Variants in DELE1 observed in about 807,000 individuals in gnomAD.
DELE1 encodes DAP3 binding cell death enhancer 1.
Under a neutral mutation model 59.3 loss-of-function variants are expected in DELE1, and 54 were observed. That is an observed-to-expected ratio of 0.91 (90% CI 0.73 to 1.14). The LOEUF is 1.14. DELE1 is among the 50% of genes most tolerant of loss of function. DELE1 has a pLI of 0.00. For synonymous variants in DELE1, 264 were observed against 259.1 expected (o/e 1.02, Z -0.18); for missense variants, 636 against 643.9 (o/e 0.99, Z 0.13).
Position 141,929,698 on chromosome 5 carries a change from A to T in DELE1, c.529A>T (p.Asn177Tyr). ...ASAQPRNFSH[N>Y]SLRGARPQDP... ...AGCTCAGCCCCGGAACTTCTCACAC[A>T]ACTCTTTGAGAGGAGCTCGTCCTCA... Residue 177 changes from asparagine (N) to tyrosine (Y), a missense_variant, in exon 5 of 12, where the codon AAC (asparagine) becomes TAC (tyrosine). By Grantham distance (143) the Asn-to-Tyr change is moderately radical. Transcript: ENST00000432126. The T allele has an allele frequency of 6.2e-7, 1 of 1,614,120 alleles. No individual in the cohort carries two copies. The highest frequency in any genetic ancestry group is 1.1e-5 in the South Asian group (1 of 91,086).
Position 141,924,622 on chromosome 5 carries a change from C to T in DELE1, c.73C>T (p.Pro25Ser). The change falls in exon 2 of 12, where the codon CCT (proline) becomes TCT (serine). Residue 25 changes from proline (P) to serine (S), a missense_variant. By Grantham distance (74) the Pro-to-Ser change is moderately conservative. Coordinates refer to ENST00000432126, the MANE Select transcript of DELE1 (RefSeq NM_014773.5). ...GGGACCTAGCCTCTGGAGGGTGACTCCTAAGTCCACCAGCCCAGATGGGCC... is the reference window on the plus strand; with the variant it reads ...GGGACCTAGCCTCTGGAGGGTGACTTCTAAGTCCACCAGCCCAGATGGGCC... ...TLGPSLWRVT[P>S]KSTSPDGPQT... is the part of the protein sequence containing the mutation. 1 of 1,614,110 alleles carries T rather than the reference C, an allele frequency of 6.2e-7. No individual in the cohort carries two copies. Among genetic ancestry groups the T allele is most frequent in the Non-Finnish European group, 8.5e-7 (1 of 1,179,950 alleles).
chr5:141,936,423 G>A (rs1042221780), intron 10 of DELE1, among the ~76,000 whole-genome samples: 1 of 152,052 alleles, frequency 6.6e-6, no homozygotes, highest in East Asian at 1.9e-4. Flanking sequence ...AGAGCATAGC[G>A]TTTTTTGTTT....
intron 10 of DELE1, among the ~76,000 whole-genome samples, chr5:141,935,572 C>T (rs1345877593): frequency 1.3e-5 from 2 of 152,202 alleles, no homozygotes; most frequent in African/African-American, 4.8e-5. Flanking sequence ...GAATGCTTTT[C>T]CTTGTCTACT....
intron 7 of DELE1, among the ~76,000 whole-genome samples, chr5:141,931,049 A>G (rs1751869346): frequency 6.6e-6 from 1 of 152,234 alleles, no homozygotes; most frequent in Non-Finnish European, 1.5e-5. Context: ...AGAGAATTTC[A>G]GATGTTGATA....
rs1024576333 is a variant in DELE1 at position 141,939,077 on chromosome 5, C to T, written c.*318C>T. On this transcript the variant is annotated 3_prime_UTR_variant, in exon 12 of 12. Coordinates refer to ENST00000432126, the MANE Select transcript of DELE1 (RefSeq NM_014773.5). ...TTAGCCTTTGTCTTTGAGCAAATAA[C>T]TTACCTTCTTCCTTCTTATGCCTGG... is the stretch of plus-strand genomic sequence containing the variant. The T allele has an allele frequency of 3.7e-6, 4 of 1,093,576 alleles. No homozygotes were observed. The highest frequency in any genetic ancestry group is 1.6e-5 in the African/African-American group (1 of 60,940). 67.7% of individuals were successfully genotyped at this position (1,093,576 alleles called of 1,614,324 possible).
chr5:141,933,109 A>T (rs373191512), intron 7 of DELE1, 150 bp from the exon 8 acceptor site: 3,263 of 130,172 alleles, frequency 0.025, 29 homozygotes, highest in South Asian at 0.049. Context: ...AAAAAAAAAA[A>T]AAATATATAT....
chr5:141,940,954 G>A lies in DELE1; in HGVS notation c.*2195G>A. On this transcript the variant is annotated 3_prime_UTR_variant, in exon 12 of 12. Transcript: ENST00000432126. ...TTTTATAGATTCACAATACACATCA[G>A]CATATTTGAGGTTCCAAGAAGTCCT... 1 of 969,386 alleles carries A rather than the reference G, an allele frequency of 1.0e-6. No individual in the cohort carries two copies. The highest frequency in any genetic ancestry group is 1.2e-6 in the Non-Finnish European group (1 of 815,420). The allele number at this position is 969,386 out of a possible 1,614,324, so 60.0% of individuals were successfully genotyped here.
chr5:141,939,731 C>T lies in DELE1; in HGVS notation c.*972C>T. 2 of 979,230 alleles carry T rather than the reference C, an allele frequency of 2.0e-6. No individual in the cohort carries two copies. Among genetic ancestry groups the T allele is most frequent in the Non-Finnish European group, 2.4e-6 (2 of 823,910 alleles). The allele number at this position is 979,230 out of a possible 1,614,324, so 60.7% of individuals were successfully genotyped here. A position where few individuals can be genotyped will look rare whatever the true frequency, so the allele number is the denominator to read the frequency against. On this transcript the variant is annotated 3_prime_UTR_variant, in exon 12 of 12. Transcript: ENST00000432126. ...ACCCAGGTCTGGCTCTGCCACTTGCCTGGCCATGTCACCTTGAAGCTGTGA... is the reference window on the plus strand; with the variant it reads ...ACCCAGGTCTGGCTCTGCCACTTGCTTGGCCATGTCACCTTGAAGCTGTGA...
In DELE1 at chr5:141,928,273, A is replaced by G; in HGVS notation, c.387A>G (p.Ser129=). ...SWHSPLDRFF[S]SPLWHPCSSL... ...ACAGTCCCCTGGACCGTTTCTTCTC[A>G]TCTCCCTTGTGGCACCCATGCTCCT... The change falls in exon 4 of 12, where the codon TCA becomes TCG. Residue 129 remains serine, a synonymous_variant. Transcript: ENST00000432126. 1 of 1,614,118 alleles carries G rather than the reference A, an allele frequency of 6.2e-7. No individual in the cohort carries two copies. The highest frequency in any genetic ancestry group is 8.5e-7 in the Non-Finnish European group (1 of 1,179,994).
At position 141,934,540 on chromosome 5, in the gene DELE1, A is replaced by G; in HGVS notation, c.1103A>G (p.Asp368Gly). 6.2e-7 allele frequency: 1 copy of G among 1,614,228 alleles called. No individual in the cohort carries two copies. Among genetic ancestry groups the G allele is most frequent in the Non-Finnish European group, 8.5e-7 (1 of 1,180,038 alleles). The change falls in exon 10 of 12, where the codon GAT becomes GGT. Residue 368 changes from aspartate to glycine, a missense_variant. Transcript: ENST00000432126. ...CTTTTCACCAAGGAGCCCTACCTGG[A>G]TGAGCAGAGAGCTGTGAAATATCTT... ...GVLFTKEPYL[D>G]EQRAVKYLWL...
chr5:141,936,009 GA>G (rs1752321949), intron 10 of DELE1, among the ~76,000 whole-genome samples: 1 of 152,212 alleles, frequency 6.6e-6, no homozygotes, highest in Admixed American at 6.5e-5. Flanking sequence ...GAAGCAGGGG[GA>G]GAATGTGTAG....
chr5:141,938,566 C>T lies in DELE1; in HGVS notation c.1355C>T (p.Ser452Phe). 1 of 1,614,108 alleles carries T rather than the reference C, an allele frequency of 6.2e-7. No homozygotes were observed. Among genetic ancestry groups the T allele is most frequent in the Non-Finnish European group, 8.5e-7 (1 of 1,180,002 alleles). Residue 452 changes from serine (S) to phenylalanine (F), a missense_variant, in exon 12 of 12, where the codon TCC becomes TTC. By Grantham distance (155) the Ser-to-Phe change is radical. Coordinates refer to ENST00000432126, the MANE Select transcript of DELE1 (RefSeq NM_014773.5). ...ACAGTTACAGGACTGAAGTCTTTCT[C>T]CAGCCCCTCCCTCTGCAGCTTGAAC... is the stretch of plus-strand genomic sequence containing the variant. Reference protein sequence around the residue: ...DLTVTGLKSFSSPSLCSLNTL... With the variant: ...DLTVTGLKSFFSPSLCSLNTL...
chr5:141,939,295 G>T lies in DELE1; in HGVS notation c.*536G>T. Reference sequence around the variant, plus strand: ...TGTTCTGTCTAGGATAAAGCTAACTGTAAAAAAAAATAGTGAATCAGTTTA... The same window carrying T: ...TGTTCTGTCTAGGATAAAGCTAACTTTAAAAAAAAATAGTGAATCAGTTTA... On this transcript the variant is annotated 3_prime_UTR_variant, in exon 12 of 12. Transcript: ENST00000432126. The T allele has an allele frequency of 1.5e-6, 1 of 678,758 alleles. No homozygotes were observed. Among genetic ancestry groups the T allele is most frequent in the Non-Finnish European group, 1.8e-6 (1 of 551,838 alleles). 42.0% of individuals were successfully genotyped at this position (678,758 alleles called of 1,614,324 possible).
At chr5:141,937,032 G>A in intron 10 of DELE1, 166 bp from the exon 11 acceptor site, 1 of 1,493,062 alleles carries the variant, frequency 6.7e-7, no homozygotes. Flanking sequence ...CTGAGCCTCT[G>A]GCATTTCGTA....
chr5:141,925,302 C>G (rs1001803026), intron 2 of DELE1, 108 bp from the exon 3 acceptor site: 28 of 600,948 alleles, frequency 4.7e-5, no homozygotes, highest in Non-Finnish European at 7.2e-5. Context: ...ACCTCGTGAT[C>G]CACCCACCTC....
Position 141,939,796 on chromosome 5 carries a change from G to A in DELE1, c.*1037G>A. ...TTGTTTCCTCAGTTGTAGACCAAAG[G>A]CAATGGTGTCTGCCCTCCTACCTTA... On this transcript the variant is annotated 3_prime_UTR_variant, in exon 12 of 12. Coordinates refer to ENST00000432126, the MANE Select transcript of DELE1 (RefSeq NM_014773.5). The A allele has an allele frequency of 2.7e-6, 2 of 739,250 alleles. No homozygotes were observed. The highest frequency in any genetic ancestry group is 3.3e-6 in the Non-Finnish European group (2 of 605,502). The allele number at this position is 739,250 out of a possible 1,614,324, so 45.8% of individuals were successfully genotyped here. A position where few individuals can be genotyped will look rare whatever the true frequency, so the allele number is the denominator to read the frequency against.
chr5:141,925,533 G>T lies in DELE1; in HGVS notation c.264+6G>T, dbSNP rs905090029. On this transcript the variant is annotated splice_donor_region_variant and intron_variant, in intron 3 of 11. Transcript: ENST00000432126. ...TATGGGATGCCATATCTTGGGTAAG[G>T]CTTCCCCAGCCTGGTCCTTGACCTT... is the stretch of plus-strand genomic sequence containing the variant. 11 of 1,559,696 alleles carry T rather than the reference G, an allele frequency of 7.1e-6. No individual in the cohort carries two copies. In the African/African-American group the frequency reaches 8.3e-5, roughly 12 times the overall value.
Position 141,930,196 on chromosome 5 carries a change from A to G in DELE1, c.676A>G (p.Thr226Ala). ...TGEKEQDKSK[T>A]LSLEEAVTSI... is the part of the protein sequence containing the mutation. ...TTCCCAGGAACAAGATAAATCAAAAACTCTTTCCCTTGAGGAGGCTGTGAC... is the reference window on the plus strand; with the variant it reads ...TTCCCAGGAACAAGATAAATCAAAAGCTCTTTCCCTTGAGGAGGCTGTGAC... The change falls in exon 7 of 12, where the codon ACT becomes GCT. Residue 226 changes from threonine to alanine, a missense_variant. By Grantham distance (58) the Thr-to-Ala change is moderately conservative (BLOSUM62 0). Transcript: ENST00000432126. 1 of 1,613,552 alleles carries G rather than the reference A, an allele frequency of 6.2e-7. No homozygotes were observed. Among genetic ancestry groups the G allele is most frequent in the Non-Finnish European group, 8.5e-7 (1 of 1,179,694 alleles).
rs1751721336 is a variant in DELE1, at chr5:141,929,591, AAC to A, written c.426_427del (p.Ile143ProfsTer46). 1 of 1,613,648 alleles carries A rather than the reference AAC, an allele frequency of 6.2e-7. No individual in the cohort carries two copies. The highest frequency in any genetic ancestry group is 8.5e-7 in the Non-Finnish European group (1 of 1,179,970). On this transcript the variant is annotated frameshift_variant, in exon 5 of 12. Transcript: ENST00000432126. LOFTEE classifies it high-confidence loss of function. Reference sequence around the variant, plus strand: ...TGCTGGCTCTTTCCAGCACTGCGACAACACATCCTCCCCAGCCCCGATGGCCC... The same window carrying A: ...TGCTGGCTCTTTCCAGCACTGCGACAACATCCTCCCCAGCCCCGATGGCCC...
Sources: gnomAD v4.1 joint callset for allele counts (sites outside exome capture counted in the v4.1 genomes callset) on GRCh38, gnomAD v4.1.1 for gene constraint, MANE v1.5 for transcripts, NCBI Gene and HGNC (gene_info 2026-07-23, HGNC 2026-07-21) for gene names.